GCGR: variants seen among roughly 807,000 people sequenced by gnomAD.
GCGR encodes glucagon receptor.
Under a neutral mutation model 56.1 loss-of-function variants are expected in GCGR, and 41 were observed. The observed-to-expected ratio is 0.73, with a 90% confidence interval of 0.57 to 0.95. GCGR has a LOEUF of 0.95. GCGR is among the 40% of genes least tolerant of loss of function. The probability of loss-of-function intolerance (pLI) is 0.00; values close to 1 mark genes in which losing one functional copy is unlikely to be tolerated. For synonymous variants in GCGR, 278 were observed against 271.1 expected (o/e 1.03, Z -0.25); for missense variants, 595 against 638.2 (o/e 0.93, Z 0.73).
rs995383114 is a variant in GCGR, at chr17:81,806,814, A to G, written c.-177-2028A>G. The stretch of plus-strand genomic sequence containing the variant: ...CCCCCACCCCCACTTCGAGGCGCCC[A>G]GGCAGGGAACAGCTCATTGGCCAGT... On this transcript the variant is annotated intron_variant, in intron 1 of 13. Transcript: ENST00000400723. This position sits in a 1 kb window ranked among gnomAD's most constrained non-coding sequence, Gnocchi z 6.5. 3.8e-4 allele frequency among the ~76,000 whole-genome samples: 53 copies of G among 138,740 alleles called. 1 individual carries two copies. Among genetic ancestry groups the G allele is most frequent in the Admixed American group, 3.7e-4 (5 of 13,608 alleles). The allele number at this position is 138,740 out of a possible 152,430, so 91.0% of individuals were successfully genotyped here.
At chr17:81,809,905 CT>C in intron 3 of GCGR, 21 bp downstream of exon 3, 1 of 1,499,990 alleles carries the variant, frequency 6.7e-7, no homozygotes, top group Non-Finnish European at 9.0e-7. Flanking sequence ...CACCCAGAGC[CT>C]TTCAGCCTGT....
At chr17:81,808,007 C>T (rs894845629) in intron 1 of GCGR, among the ~76,000 whole-genome samples, 7 of 152,240 alleles carry the variant, frequency 4.6e-5, no homozygotes, top group Admixed American at 1.3e-4. Flanking sequence ...AAGGACTGTG[C>T]AGCCAGCCTG....
rs936322272 is a variant in GCGR at position 81,812,649 on chromosome 17, A to G, written c.1021A>G (p.Thr341Ala). 9.1e-6 allele frequency: 14 copies of G among 1,535,894 alleles called. No individual in the cohort carries two copies. The highest frequency in any genetic ancestry group is 1.7e-4 in the Middle Eastern group (1 of 6,010). The change falls in exon 11 of 14, where the codon ACA becomes GCA. Residue 341 changes from threonine to alanine, a missense_variant. Thr to Ala is a moderately conservative substitution (Grantham distance 58, BLOSUM62 0). Transcript: ENST00000400723. The surrounding 1 kb of genome is among the most constrained non-coding windows in gnomAD (Gnocchi z 8.5). ...GCTGCGGGCACGGCAGATGCACCAC[A>G]CAGACTACAAGTTCCGGTGGGTGCC... The part of the protein sequence containing the change: ...AKLRARQMHH[T>A]DYKFRLAKST...
In GCGR at chr17:81,804,336, G is replaced by A. The variant is rs1403969430; in HGVS notation, c.-178+87G>A. On this transcript the variant is annotated intron_variant, in intron 1 of 13. Transcript: ENST00000400723. The surrounding 1 kb of genome is among the most constrained non-coding windows in gnomAD (Gnocchi z 8.2). The stretch of plus-strand genomic sequence containing the variant: ...CCGCGGGGCGGGCGCGGCGGGGCCG[G>A]GGGCGCGGGGAGCGGGGAGCCGGCC... 4 of 152,524 alleles carry A rather than the reference G, an allele frequency of 2.6e-5. No homozygotes were observed. Among genetic ancestry groups the A allele is most frequent in the Non-Finnish European group, 5.9e-5 (4 of 68,022 alleles). 9.4% of individuals were successfully genotyped at this position (152,524 alleles called of 1,614,324 possible). A position where few individuals can be genotyped will look rare whatever the true frequency, so the allele number is the denominator to read the frequency against.
Position 81,811,737 on chromosome 17 carries a change from C to T in GCGR, c.744C>T (p.Tyr248=), listed in dbSNP as rs2038104360. ...GCTGGCTGCTGGTGGAGGGCCTGTACCTGCACAACCTGCTGGGCCTGGCCA... is the reference window on the plus strand; with the variant it reads ...GCTGGCTGCTGGTGGAGGGCCTGTATCTGCACAACCTGCTGGGCCTGGCCA... The part of the protein sequence containing the change: ...NYCWLLVEGL[Y]LHNLLGLATL... Residue 248 remains tyrosine (Y), a synonymous_variant, in exon 8 of 14, where the codon TAC becomes TAT. Coordinates refer to ENST00000400723, the MANE Select transcript of GCGR (RefSeq NM_000160.5). The surrounding 1 kb of genome is among the most constrained non-coding windows in gnomAD (Gnocchi z 5.8). 2 of 1,543,566 alleles carry T rather than the reference C, an allele frequency of 1.3e-6. No homozygotes were observed. Among genetic ancestry groups the T allele is most frequent in the Non-Finnish European group, 1.7e-6 (2 of 1,151,126 alleles).
At chr17:81,809,667 C>T in intron 2 of GCGR, 115 bp from the exon 3 acceptor site, 1 of 761,538 alleles carries the variant, frequency 1.3e-6, no homozygotes, top group Non-Finnish European at 2.2e-6. Context: ...GTCTGTCTGC[C>T]TGTCTGTCCA....
rs1219621294 is a variant in GCGR, at chr17:81,813,868, G to C, written c.*179G>C. On this transcript the variant is annotated 3_prime_UTR_variant, in exon 14 of 14. Transcript: ENST00000400723. The surrounding 1 kb of genome is among the most constrained non-coding windows in gnomAD (Gnocchi z 5.3). Reference sequence around the variant, plus strand: ...GGCCTCCTCTCCCTGCACCTGCCTTGTCCCTGGTGCAGAGGTGAGCAGAGG... The same window carrying C: ...GGCCTCCTCTCCCTGCACCTGCCTTCTCCCTGGTGCAGAGGTGAGCAGAGG... 3 of 629,816 alleles carry C rather than the reference G, an allele frequency of 4.8e-6. No individual in the cohort carries two copies. The highest frequency in any genetic ancestry group is 8.3e-6 in the Non-Finnish European group (3 of 363,210). 39.0% of individuals were successfully genotyped at this position (629,816 alleles called of 1,614,324 possible). A position where few individuals can be genotyped will look rare whatever the true frequency, so the allele number is the denominator to read the frequency against.
In GCGR at chr17:81,813,553, A is replaced by C. The variant is rs1377024369; in HGVS notation, c.1298A>C (p.His433Pro). ...VLWEERNTSN[H>P]RASSSPGHGP... is the part of the protein sequence containing the mutation. ...TGGGAGGAGCGGAACACCAGCAACCACAGGGCCTCATCTTCGCCCGGCCAC... is the reference window on the plus strand; with the variant it reads ...TGGGAGGAGCGGAACACCAGCAACCCCAGGGCCTCATCTTCGCCCGGCCAC... The change falls in exon 14 of 14, where the codon CAC (histidine) becomes CCC (proline). Residue 433 changes from histidine to proline, a missense_variant. By Grantham distance (77) the His-to-Pro change is moderately conservative. Coordinates refer to ENST00000400723, the MANE Select transcript of GCGR (RefSeq NM_000160.5). The surrounding 1 kb of genome is among the most constrained non-coding windows in gnomAD (Gnocchi z 5.3). The C allele has an allele frequency of 6.5e-7, 1 of 1,536,338 alleles. No individual in the cohort carries two copies. The highest frequency in any genetic ancestry group is 8.7e-7 in the Non-Finnish European group (1 of 1,146,806).
Position 81,809,784 on chromosome 17 carries a change from A to G in GCGR, c.63A>G (p.Pro21=), listed in dbSNP as rs558314955. The G allele has an allele frequency of 4.6e-6, 7 of 1,535,500 alleles. No homozygotes were observed. The East Asian group carries it at 1.7e-4, about 38-fold the overall frequency. Reference sequence around the variant, plus strand: ...TTGCTTGTGCATGTGTCCCCCAGCCACAGGTCCCCTCCGCTCAGGTGATGG... The same window carrying G: ...TTGCTTGTGCATGTGTCCCCCAGCCGCAGGTCCCCTCCGCTCAGGTGATGG... ...LLLLLLLACQ[P]QVPSAQVMDF... Residue 21 remains proline (P), a splice_region_variant and synonymous_variant, in exon 3 of 14, where the codon CCA becomes CCG. Transcript: ENST00000400723.
In GCGR at chr17:81,812,585, C is replaced by G; in HGVS notation, c.957C>G (p.Phe319Leu). The part of the protein sequence containing the change: ...FPVFLAILIN[F>L]FIFVRIVQLL... Reference sequence around the variant, plus strand: ...GCACCCTTCTCACACAGATCAACTTCTTCATCTTCGTCCGCATCGTTCAGC... The same window carrying G: ...GCACCCTTCTCACACAGATCAACTTGTTCATCTTCGTCCGCATCGTTCAGC... Residue 319 changes from phenylalanine (F) to leucine (L), a missense_variant, in exon 11 of 14, where the codon TTC becomes TTG. Physicochemically the swap from Phe to Leu is conservative, Grantham distance 22. Transcript: ENST00000400723. This position sits in a 1 kb window ranked among gnomAD's most constrained non-coding sequence, Gnocchi z 8.5. 6.5e-7 allele frequency: 1 copy of G among 1,536,538 alleles called. No homozygotes were observed. The highest frequency in any genetic ancestry group is 1.2e-5 in the South Asian group (1 of 84,042).
rs563261685 is a variant in GCGR at position 81,806,162 on chromosome 17, G to A, written c.-178+1913G>A. Among the ~76,000 whole-genome samples the A allele has an allele frequency of 1.8e-4, 27 of 152,210 alleles. No individual in the cohort carries two copies. In the East Asian group the frequency reaches 4.6e-3, roughly 26 times the overall value. ...TCAGCTGGAAATTGGTCCCCCCCCG[G>A]CTCCACCCACCCCTGTTGGGGTGAG... On this transcript the variant is annotated intron_variant, in intron 1 of 13. Transcript: ENST00000400723. The surrounding 1 kb of genome is among the most constrained non-coding windows in gnomAD (Gnocchi z 6.5).
intron 1 of GCGR, among the ~76,000 whole-genome samples, chr17:81,805,955 T>G (rs894001164): frequency 2.6e-5 from 4 of 152,098 alleles, no homozygotes; most frequent in Admixed American, 2.6e-4. Flanking sequence ...GGGGTGTCAG[T>G]GTCTCCTCTC....
chr17:81,808,930 C>T lies in GCGR; in HGVS notation c.-89C>T. ...TCTGCTGCTCTGCCACTCAGCTGCC[C>T]TCGGAGGAGCGTACACACCCACCAG... On this transcript the variant is annotated 5_prime_UTR_variant, in exon 2 of 14. Transcript: ENST00000400723. The T allele has an allele frequency of 6.7e-7, 1 of 1,482,386 alleles. No homozygotes were observed. The highest frequency in any genetic ancestry group is 9.1e-7 in the Non-Finnish European group (1 of 1,099,592). The allele number at this position is 1,482,386 out of a possible 1,614,324, so 91.8% of individuals were successfully genotyped here.
Position 81,811,602 on chromosome 17 carries a change from C to A in GCGR, c.657+42C>A. On this transcript the variant is annotated intron_variant, in intron 7 of 13. Coordinates refer to ENST00000400723, the MANE Select transcript of GCGR (RefSeq NM_000160.5). The surrounding 1 kb of genome is among the most constrained non-coding windows in gnomAD (Gnocchi z 5.8). The stretch of plus-strand genomic sequence containing the variant: ...GGCCCCAGGCAGGTGGGTGGGTGGG[C>A]AGCCAGGCAGGTGGCCACGTAGCCG... The A allele has an allele frequency of 6.5e-7, 1 of 1,535,984 alleles. No individual in the cohort carries two copies. The highest frequency in any genetic ancestry group is 8.7e-7 in the Non-Finnish European group (1 of 1,146,766).
At chr17:81,807,882 C>T (rs1475473220) in intron 1 of GCGR, among the ~76,000 whole-genome samples, 1 of 152,220 alleles carries the variant, frequency 6.6e-6, no homozygotes, top group African/African-American at 2.4e-5. Context: ...GCATGGGGAC[C>T]AGGGGCTGTG....
In GCGR at chr17:81,811,448, C is replaced by T. The variant is rs550681728; in HGVS notation, c.545C>T (p.Ala182Val). Residue 182 changes from alanine (A) to valine (V), a missense_variant, in exon 7 of 14, where the codon GCG becomes GTG. Transcript: ENST00000400723. This position sits in a 1 kb window ranked among gnomAD's most constrained non-coding sequence, Gnocchi z 5.8. Reference protein sequence around the residue: ...TRNAIHANLFASFVLKASSVL... With the variant: ...TRNAIHANLFVSFVLKASSVL... ...AATGCCATCCACGCGAATCTGTTTG[C>T]GTCCTTCGTGCTGAAAGCCAGCTCC... The T allele has an allele frequency of 2.5e-5, 38 of 1,536,628 alleles. No individual in the cohort carries two copies. Among genetic ancestry groups the T allele is most frequent in the East Asian group, 4.9e-5 (2 of 40,908 alleles).
Position 81,810,156 on chromosome 17 carries a change from T to C in GCGR, c.163+272T>C. On this transcript the variant is annotated intron_variant, in intron 3 of 13. Transcript: ENST00000400723. This position sits in a 1 kb window ranked among gnomAD's most constrained non-coding sequence, Gnocchi z 4.6. ...TGCTGCTGCTGCCCCCAGGCCCAGA[T>C]GGGTAATACCACCTACAGCCCCGTG... is the stretch of plus-strand genomic sequence containing the variant. 5 of 542,520 alleles carry C rather than the reference T, an allele frequency of 9.2e-6. No homozygotes were observed. Among genetic ancestry groups the C allele is most frequent in the Admixed American group, 2.9e-5 (1 of 34,788 alleles). The allele number at this position is 542,520 out of a possible 1,614,324, so 33.6% of individuals were successfully genotyped here.
In GCGR at chr17:81,813,366, C is replaced by T; in HGVS notation, c.1219-108C>T. ...AGCAGGGAGCTTGTGTCGCTCTGCA[C>T]CCCTCAGAGCGGAGACTGGGCATCT... On this transcript the variant is annotated intron_variant, in intron 13 of 13. Transcript: ENST00000400723. This position sits in a 1 kb window ranked among gnomAD's most constrained non-coding sequence, Gnocchi z 5.3. 9.3e-7 allele frequency: 1 copy of T among 1,079,272 alleles called. No homozygotes were observed. Among genetic ancestry groups the T allele is most frequent in the South Asian group, 1.5e-5 (1 of 66,504 alleles). The allele number at this position is 1,079,272 out of a possible 1,614,324, so 66.9% of individuals were successfully genotyped here.
chr17:81,805,575 A>T (rs34631305), intron 1 of GCGR, among the ~76,000 whole-genome samples: 20,970 of 110,160 alleles, frequency 0.19, 1,737 homozygotes, highest in Admixed American at 0.27. Flanking sequence ...AACCCCCCAC[A>T]TTGGGCACCT....
Sources: gnomAD v4.1 joint callset for allele counts (sites outside exome capture counted in the v4.1 genomes callset) on GRCh38, gnomAD v4.1.1 for gene constraint, Gnocchi (gnomAD v3.1) non-coding constraint, MANE v1.5 for transcripts, NCBI Gene and HGNC (gene_info 2026-07-23, HGNC 2026-07-21) for gene names.